The following GPM6A variants were observed in gnomAD, a reference collection of about 807,000 sequenced individuals.
GPM6A encodes the protein neuronal membrane glycoprotein M6-a.
GPM6A carries 7 observed loss-of-function variants against 32.1 expected under a neutral mutation model. That is an observed-to-expected ratio of 0.22 (90% CI 0.12 to 0.41). The LOEUF is 0.41. Among genes scored for constraint, GPM6A ranks in the 10% least tolerant of loss-of-function variants. The pLI is 1.00. For synonymous variants in GPM6A, 130 were observed against 123.4 expected, an observed-to-expected ratio of 1.05 and a Z score of -0.35; for missense variants, 235 against 347.2, an observed-to-expected ratio of 0.68 and a Z score of 2.57.
intron 1 of GPM6A, among the ~76,000 whole-genome samples, chr4:175,862,993 A>G (rs962257020): frequency 6.6e-6 from 1 of 151,554 alleles, no homozygotes; most frequent in African/African-American, 2.4e-5. Context: ...TTCTCTCTAC[A>G]CCTCATCTCC....
At chr4:175,831,990 C>T (rs891367092) in intron 1 of GPM6A, among the ~76,000 whole-genome samples, 1 of 151,844 alleles carries the variant, frequency 6.6e-6, no homozygotes, top group Admixed American at 6.6e-5. Flanking sequence ...AAGTGCTGGG[C>T]TGACAGGCGT....
In GPM6A at chr4:175,849,742, T is replaced by C. The variant is rs148289429; in HGVS notation, c.-22-37493A>G. ...GCTGCTTCTTCCCCAAAGTAAGTCA[T>C]TGTCTGATATGAAAGAGAAGACAGA... is the stretch of plus-strand genomic sequence containing the variant. On this transcript the variant is annotated intron_variant, in intron 1 of 7. Transcript: ENST00000280187. Among the ~76,000 whole-genome samples the C allele has an allele frequency of 2.9e-3, 447 of 152,258 alleles. 3 individuals are homozygous for C. Among genetic ancestry groups the C allele is most frequent in the African/African-American group, 0.01 (428 of 41,562 alleles).
intron 1 of GPM6A, among the ~76,000 whole-genome samples, chr4:175,734,838 A>T (rs1247478642): frequency 6.6e-6 from 1 of 151,832 alleles, no homozygotes; most frequent in Non-Finnish European, 1.5e-5. Flanking sequence ...GAGCCATTGC[A>T]CTCCAGCCTG....
intron 1 of GPM6A, among the ~76,000 whole-genome samples, chr4:175,873,146 G>A (rs1736963807): frequency 1.3e-5 from 2 of 151,790 alleles, no homozygotes; most frequent in East Asian, 1.9e-4. Flanking sequence ...AGGACAATGT[G>A]TGTTTTTTTC....
At chr4:175,954,326 A>G (rs140002562) in intron 1 of GPM6A, among the ~76,000 whole-genome samples, 2 of 152,356 alleles carry the variant, frequency 1.3e-5, no homozygotes, top group East Asian at 3.9e-4. Flanking sequence ...TGGACAGCAC[A>G]GCTCTAGTGG....
At chr4:175,645,566 C>T (rs574152749) in intron 4 of GPM6A, among the ~76,000 whole-genome samples, 2 of 151,814 alleles carry the variant, frequency 1.3e-5, no homozygotes, top group Admixed American at 1.3e-4. Context: ...ACTAAAAAAA[C>T]AAAAATTAGC....
intron 4 of GPM6A, among the ~76,000 whole-genome samples, chr4:175,647,030 G>A (rs145259015): frequency 1.3e-5 from 2 of 152,274 alleles, no homozygotes; most frequent in East Asian, 3.9e-4. Flanking sequence ...GACCTAGATC[G>A]AATCCCTGCT....
chr4:175,955,235 G>A (rs1168192535), intron 1 of GPM6A, among the ~76,000 whole-genome samples: 1 of 152,218 alleles, frequency 6.6e-6, no homozygotes, highest in Non-Finnish European at 1.5e-5. Context: ...ACCTGTTACT[G>A]GGGTCCATGG....
intron 6 of GPM6A, among the ~76,000 whole-genome samples, chr4:175,637,371 A>C (rs1362808586): frequency 1.4e-5 from 1 of 73,158 alleles, no homozygotes; most frequent in African/African-American, 6.6e-5. Context: ...TATAACATAT[A>C]ATATATTATA....
At chr4:175,836,003 C>T (rs1380524304) in intron 1 of GPM6A, among the ~76,000 whole-genome samples, 1 of 151,924 alleles carries the variant, frequency 6.6e-6, no homozygotes, top group African/African-American at 2.4e-5. Flanking sequence ...GGCTAGATCT[C>T]CATCATGTGA....
At chr4:175,860,426 C>A (rs1736540225) in intron 1 of GPM6A, among the ~76,000 whole-genome samples, 1 of 151,908 alleles carries the variant, frequency 6.6e-6, no homozygotes, top group Non-Finnish European at 1.5e-5. Flanking sequence ...CAATTCTATG[C>A]CCTCAAAGTT....
intron 1 of GPM6A, among the ~76,000 whole-genome samples, chr4:175,975,328 G>A (rs1740627219): frequency 7.0e-6 from 1 of 142,166 alleles, no homozygotes; most frequent in Non-Finnish European, 1.5e-5. Context: ...AAACTTGGGT[G>A]AGTAACAAGA....
chr4:175,949,119 A>G (rs1218889597), intron 1 of GPM6A, among the ~76,000 whole-genome samples: 2 of 152,176 alleles, frequency 1.3e-5, no homozygotes, highest in Non-Finnish European at 2.9e-5. Flanking sequence ...AAACATTCAC[A>G]AAATATTTTT....
chr4:175,786,301 T>G (rs141761952), intron 1 of GPM6A, among the ~76,000 whole-genome samples: 52 of 151,640 alleles, frequency 3.4e-4, no homozygotes, highest in Middle Eastern at 3.4e-3. Flanking sequence ...GTTTTGTTTT[T>G]TTTTTTTTGA....
intron 4 of GPM6A, 21 bp downstream of exon 4, chr4:175,651,813 A>C: frequency 1.9e-6 from 3 of 1,598,852 alleles, no homozygotes; most frequent in Non-Finnish European, 2.6e-6. Context: ...TTTACAGTTT[A>C]GAGATCCAAT....
intron 1 of GPM6A, chr4:175,787,447 T>A: frequency 4.0e-6 from 6 of 1,506,322 alleles, no homozygotes; most frequent in Non-Finnish European, 5.3e-6. Context: ...TAACATTCTG[T>A]TTCGTGTTCT....
At chr4:175,833,035 G>T (rs541404727) in intron 1 of GPM6A, among the ~76,000 whole-genome samples, 1 of 152,288 alleles carries the variant, frequency 6.6e-6, no homozygotes, top group African/African-American at 2.4e-5. Flanking sequence ...ACACCAGAAA[G>T]AAGAAGCATT....
At chr4:175,744,888 G>C (rs553648243) in intron 1 of GPM6A, among the ~76,000 whole-genome samples, 1 of 152,136 alleles carries the variant, frequency 6.6e-6, no homozygotes, top group East Asian at 1.9e-4. Context: ...AGGCTGAGAA[G>C]GAATGGATAG....
In GPM6A at chr4:175,792,415, T is replaced by A. The variant is rs553092479; in HGVS notation, c.37+19776A>T. Among the ~76,000 whole-genome samples, 86 of 152,266 alleles carry A rather than the reference T, an allele frequency of 5.6e-4. 1 individual carries two copies. The highest frequency in any genetic ancestry group is 4.3e-4 in the Non-Finnish European group (29 of 68,004). On this transcript the variant is annotated intron_variant, in intron 1 of 6. Transcript: ENST00000393658. ...AGTAAAAAATAAAACTAGAAAATAA[T>A]TAAATGAAGAAAATAGCCAAAAAGA...
Sources: gnomAD v4.1 joint callset for allele counts (sites outside exome capture counted in the v4.1 genomes callset) on GRCh38, gnomAD v4.1.1 for gene constraint, MANE v1.5 for transcripts, NCBI Gene and HGNC (gene_info 2026-07-23, HGNC 2026-07-21) for gene names.